Variants in CNTN5 observed in about 807,000 individuals in gnomAD.
CNTN5 encodes contactin-5.
A neutral mutation model predicts 129.1 loss-of-function variants in CNTN5; 77 were observed. The ratio of observed to expected loss-of-function variants is 0.60; its 90% CI spans 0.50 to 0.72. The LOEUF (loss-of-function observed/expected upper bound fraction) is 0.72. Ranked by LOEUF, CNTN5 falls within the 30% of genes least tolerant of loss-of-function variation. The pLI is 0.00. For synonymous variants in CNTN5, 509 were observed against 465.6 expected, an observed-to-expected ratio of 1.09 and a Z score of -1.20; for missense variants, 1,478 against 1,328.8, an observed-to-expected ratio of 1.11 and a Z score of -1.75.
In CNTN5 at chr11:99,813,488, T is replaced by TTTTTG. The variant is rs574356037; in HGVS notation, c.56-6036_56-6032dup. ...AAACCACAAAAAGAGAGTAGAGAGGTTTTTGTTTTGTTTTGTTTTGTTTTA... is the reference window on the plus strand; with the variant it reads ...AAACCACAAAAAGAGAGTAGAGAGGTTTTTGTTTTGTTTTGTTTTGTTTTGTTTTA... On this transcript the variant is annotated intron_variant, in intron 3 of 24. Transcript: ENST00000524871. 1.4e-4 allele frequency among the ~76,000 whole-genome samples: 21 copies of TTTTTG among 152,082 alleles called. 1 individual carries two copies. The South Asian group carries it at 2.7e-3, about 20-fold the overall frequency.
Position 99,928,637 on chromosome 11 carries a change from GTC to G in CNTN5, c.673+12490_673+12491del, listed in dbSNP as rs1488387750. On this transcript the variant is annotated intron_variant, in intron 7 of 24. Transcript: ENST00000524871. ...TGGGATGCAGGGCACCAAGTCTTGA[GTC>G]TGCACAAAGCAGCAGGGCCCTGGGC... is the stretch of plus-strand genomic sequence containing the variant. Among the ~76,000 whole-genome samples, 5 of 152,154 alleles carry G rather than the reference GTC, an allele frequency of 3.3e-5. 1 individual carries two copies. The highest frequency in any genetic ancestry group is 7.4e-5 in the Non-Finnish European group (5 of 68,022).
chr11:99,158,539 A>AT (rs1565364493), intron 1 of CNTN5, among the ~76,000 whole-genome samples: 1 of 151,960 alleles, frequency 6.6e-6, no homozygotes, highest in African/African-American at 2.4e-5. Context: ...TGACTGTTTA[A>AT]TTTTTTTGCA....
At chr11:99,059,613 C>A (rs1160301270) in intron 1 of CNTN5, among the ~76,000 whole-genome samples, 1 of 151,794 alleles carries the variant, frequency 6.6e-6, no homozygotes, top group Non-Finnish European at 1.5e-5. Flanking sequence ...TTGAAAGAGT[C>A]CTTGCTGCCA....
At chr11:99,727,306 C>G (rs1943378578) in intron 3 of CNTN5, among the ~76,000 whole-genome samples, 1 of 31,476 alleles carries the variant, frequency 3.2e-5, no homozygotes, top group Non-Finnish European at 5.4e-5. Flanking sequence ...GAGCGAGACT[C>G]CGTCTCAAAA....
intron 6 of CNTN5, among the ~76,000 whole-genome samples, chr11:99,911,722 A>G (rs1007875715): frequency 2.8e-5 from 4 of 143,402 alleles, no homozygotes; most frequent in Non-Finnish European, 4.6e-5. Context: ...TACCTACTCA[A>G]CATGTCTCAG....
chr11:99,892,584 A>C (rs955564213), intron 6 of CNTN5, among the ~76,000 whole-genome samples: 1 of 152,138 alleles, frequency 6.6e-6, no homozygotes, highest in Non-Finnish European at 1.5e-5. Context: ...AAAATAGGGA[A>C]TCCTTTCCCC....
chr11:99,331,620 T>C (rs1480137520), intron 2 of CNTN5, among the ~76,000 whole-genome samples: 1 of 152,174 alleles, frequency 6.6e-6, no homozygotes, highest in African/African-American at 2.4e-5. Flanking sequence ...AAAGAAAATA[T>C]TTAGCAATCA....
At chr11:99,864,608 C>G (rs957514453) in intron 6 of CNTN5, among the ~76,000 whole-genome samples, 2 of 152,142 alleles carry the variant, frequency 1.3e-5, no homozygotes, top group Admixed American at 6.6e-5. Flanking sequence ...TTCCCTCTTT[C>G]AACTCAGGAT....
chr11:100,256,313 T>G (rs773691414), intron 17 of CNTN5, among the ~76,000 whole-genome samples: 7 of 152,180 alleles, frequency 4.6e-5, no homozygotes, highest in Non-Finnish European at 1.0e-4. Context: ...TCAGACCTTA[T>G]TAGGATCTCA....
chr11:99,536,163 A>G (rs1035488112), intron 2 of CNTN5, among the ~76,000 whole-genome samples: 8 of 152,226 alleles, frequency 5.3e-5, no homozygotes, highest in African/African-American at 1.9e-4. Context: ...TAAAAGTAAC[A>G]TTTATTCTCA....
chr11:99,300,773 A>G (rs1020115758), intron 1 of CNTN5, among the ~76,000 whole-genome samples: 2 of 152,072 alleles, frequency 1.3e-5, no homozygotes, highest in Non-Finnish European at 2.9e-5. Context: ...AGATGGTAAC[A>G]GAAGTACATA....
intron 7 of CNTN5, among the ~76,000 whole-genome samples, chr11:99,927,169 G>A (rs766885654): frequency 6.6e-6 from 1 of 152,032 alleles, no homozygotes; most frequent in Non-Finnish European, 1.5e-5. Context: ...TGGATAAATG[G>A]AAGCAAAGAA....
intron 2 of CNTN5, among the ~76,000 whole-genome samples, chr11:99,482,656 A>G (rs1230318347): frequency 6.6e-6 from 1 of 152,136 alleles, no homozygotes; most frequent in Non-Finnish European, 1.5e-5. Flanking sequence ...TAGGTCATAG[A>G]CCTAAATGCA....
intron 2 of CNTN5, among the ~76,000 whole-genome samples, chr11:99,432,114 T>C (rs1222747558): frequency 1.3e-5 from 2 of 152,268 alleles, no homozygotes; most frequent in African/African-American, 2.4e-5. Context: ...GGGAAGGCAG[T>C]TTTTTGCATG....
intron 1 of CNTN5, among the ~76,000 whole-genome samples, chr11:99,157,351 C>A (rs1470757103): frequency 6.6e-6 from 1 of 152,016 alleles, no homozygotes; most frequent in Non-Finnish European, 1.5e-5. Context: ...TGTGAAAAAT[C>A]AGTATATGCA....
rs181744381 is a variant in CNTN5 at position 99,839,338 on chromosome 11, T to G, written c.278-5514T>G. 2.4e-3 allele frequency among the ~76,000 whole-genome samples: 363 copies of G among 152,236 alleles called. 2 individuals are homozygous for G. The highest frequency in any genetic ancestry group is 8.4e-3 in the African/African-American group (349 of 41,556). On this transcript the variant is annotated intron_variant, in intron 4 of 24. Coordinates refer to ENST00000524871, the MANE Select transcript of CNTN5 (RefSeq NM_014361.4). ...TAATCGGGTGAAGTCTGTGTGAAAG[T>G]GGACAAATGACTCAGGATACTTCAG...
At chr11:100,089,722 G>T (rs1214004563) in intron 13 of CNTN5, among the ~76,000 whole-genome samples, 8 of 152,072 alleles carry the variant, frequency 5.3e-5, no homozygotes, top group African/African-American at 1.9e-4. Context: ...GCCATAGAAA[G>T]GGACAAGATC....
chr11:99,169,619 G>C (rs1437257096), intron 1 of CNTN5, among the ~76,000 whole-genome samples: 1 of 152,136 alleles, frequency 6.6e-6, no homozygotes, highest in African/African-American at 2.4e-5. Context: ...ACTGTCTTTT[G>C]CATCGGCTCC....
intron 3 of CNTN5, among the ~76,000 whole-genome samples, chr11:99,695,215 G>A (rs1466444407): frequency 6.6e-6 from 1 of 151,778 alleles, no homozygotes; most frequent in Non-Finnish European, 1.5e-5. Flanking sequence ...TGACAGATTG[G>A]GTGACTAAGT....
Sources: gnomAD v4.1 joint callset for allele counts (sites outside exome capture counted in the v4.1 genomes callset) on GRCh38, gnomAD v4.1.1 for gene constraint, MANE v1.5 for transcripts, NCBI Gene and HGNC (gene_info 2026-07-23, HGNC 2026-07-21) for gene names.